CHIT1: variants seen among roughly 807,000 people sequenced by gnomAD.
CHIT1 encodes chitinase 1.
In CHIT1, 47 loss-of-function variants were observed where a neutral mutation model predicts 52.0. The ratio of observed to expected loss-of-function variants is 0.90; its 90% CI spans 0.71 to 1.15. The LOEUF (loss-of-function observed/expected upper bound fraction) is 1.15, where lower values mean the gene tolerates loss of function less well. Among genes scored for constraint, CHIT1 ranks in the 50% most tolerant of loss-of-function variants. The pLI, the probability that CHIT1 is intolerant of heterozygous loss-of-function variation, is 0.00. For synonymous variants in CHIT1, 242 were observed against 228.2 expected (o/e 1.06, Z -0.54); for missense variants, 569 against 583.0 (o/e 0.98, Z 0.25).
intron 7 of CHIT1, among the ~76,000 whole-genome samples, chr1:203,221,879 TG>T (rs1656748886): frequency 6.6e-6 from 1 of 151,312 alleles, no homozygotes; most frequent in African/African-American, 2.4e-5. Flanking sequence ...GGAAATGGGG[TG>T]GGGGTGTGTG....
chr1:203,222,593 A>G (rs932191273), intron 6 of CHIT1, among the ~76,000 whole-genome samples: 1 of 152,094 alleles, frequency 6.6e-6, no homozygotes, highest in African/African-American at 2.4e-5. Context: ...TATTCCACTC[A>G]AGAAAACTCC....
chr1:203,218,970 T>A lies in CHIT1; in HGVS notation c.1029+246A>T, dbSNP rs927733056. Among the ~76,000 whole-genome samples the A allele has an allele frequency of 1.3e-4, 20 of 152,376 alleles. No individual in the cohort carries two copies. In the South Asian group the frequency reaches 3.5e-3, roughly 27 times the overall value. Reference sequence around the variant, plus strand: ...CTCCTCTTCATATGTCTGTAGAATTTGTATGGTATTTAATAAAATAGAAAT... The same window carrying A: ...CTCCTCTTCATATGTCTGTAGAATTAGTATGGTATTTAATAAAATAGAAAT... On this transcript the variant is annotated intron_variant, in intron 9 of 10. Transcript: ENST00000367229.
intron 7 of CHIT1, among the ~76,000 whole-genome samples, chr1:203,221,256 A>G (rs1656719473): frequency 6.6e-6 from 1 of 152,232 alleles, no homozygotes; most frequent in African/African-American, 2.4e-5. Context: ...TGTTTTAAGA[A>G]AGAAAAATAA....
chr1:203,217,444 C>CTTAGGTAGGGAG, intron 10 of CHIT1: 1 of 1,401,810 alleles, frequency 7.1e-7, no homozygotes, highest in Non-Finnish European at 9.7e-7. Context: ...AGGCTTTCTC[C>CTTAGGTAGGGAG]CAGGTAAGAG....
intron 3 of CHIT1, among the ~76,000 whole-genome samples, chr1:203,225,426 A>C (rs1009251723): frequency 4.0e-5 from 6 of 150,620 alleles, no homozygotes; most frequent in Non-Finnish European, 8.9e-5. Flanking sequence ...CATGGGAGAC[A>C]GAAAGAGTCT....
chr1:203,222,744 A>T (rs1380041512), intron 6 of CHIT1, among the ~76,000 whole-genome samples: 1 of 152,224 alleles, frequency 6.6e-6, no homozygotes, highest in South Asian at 2.1e-4. Flanking sequence ...AATTCTAATG[A>T]GCACCTGGTT....
chr1:203,222,378 G>A (rs1656771170), intron 6 of CHIT1, 53 bp from the exon 7 acceptor site: 2 of 1,613,268 alleles, frequency 1.2e-6, no homozygotes, highest in Non-Finnish European at 1.7e-6. Flanking sequence ...GGGTGGGGTA[G>A]CCCTTCTTTC....
chr1:203,228,538 G>T lies in CHIT1; in HGVS notation c.50C>A (p.Pro17Gln). 1.3e-6 allele frequency: 2 copies of T among 1,590,130 alleles called. No individual in the cohort carries two copies. The highest frequency in any genetic ancestry group is 2.3e-5 in the East Asian group (1 of 43,790). The change falls in exon 2 of 11, where the codon CCA becomes CAA. Residue 17 changes from proline (P) to glutamine (Q), a missense_variant. Transcript: ENST00000367229. Reference sequence around the variant, plus strand: ...CCAAGAAAGAGGCTACTTACCCCATGGGATCATCAGCAGGACCATGAAACC... The same window carrying T: ...CCAAGAAAGAGGCTACTTACCCCATTGGATCATCAGCAGGACCATGAAACC... ...WAGFMVLLMI[P>Q]WGSAAKLVCY...
intron 3 of CHIT1, 98 bp from the exon 4 acceptor site, chr1:203,225,202 G>A (rs1432573633): frequency 2.4e-5 from 26 of 1,093,466 alleles, no homozygotes; most frequent in South Asian, 1.0e-4. Flanking sequence ...GGGTGGGGAC[G>A]TGTGAAAGTG....
chr1:203,228,699 C>T, intron 1 of CHIT1, 137 bp from the exon 2 acceptor site: 9 of 996,152 alleles, frequency 9.0e-6, no homozygotes, highest in Non-Finnish European at 1.4e-5. Context: ...TCAGAAGGGA[C>T]CCAGGAGGGC....
At position 203,218,599 on chromosome 1, in the gene CHIT1, A is replaced by C. The variant is rs1481170081; in HGVS notation, c.1029+617T>G. 3.3e-5 allele frequency among the ~76,000 whole-genome samples: 5 copies of C among 152,042 alleles called. No homozygotes were observed. In the East Asian group the frequency reaches 5.8e-4, roughly 18 times the overall value. On this transcript the variant is annotated intron_variant, in intron 9 of 10. Transcript: ENST00000367229. ...GTTGCCCGCTCCCTCACCCCTAAGA[A>C]TGGCCACCTTCTATGCTTTAGGACT...
At chr1:203,227,685 C>T (rs986488378) in intron 2 of CHIT1, among the ~76,000 whole-genome samples, 1 of 152,230 alleles carries the variant, frequency 6.6e-6, no homozygotes, top group African/African-American at 2.4e-5. Context: ...AGGTGCTTCA[C>T]ATATATTAAC....
intron 3 of CHIT1, 49 bp downstream of exon 3, chr1:203,225,620 C>G: frequency 1.3e-6 from 2 of 1,577,244 alleles, no homozygotes; most frequent in Non-Finnish European, 1.7e-6. Context: ...AGGAGGTTAT[C>G]TGTCACCCCA....
chr1:203,226,201 G>A (rs978338920), intron 2 of CHIT1, among the ~76,000 whole-genome samples: 2 of 152,232 alleles, frequency 1.3e-5, no homozygotes, highest in Admixed American at 1.3e-4. Flanking sequence ...GCAGAGCAGA[G>A]GTGCTGCGAC....
chr1:203,217,457 G>A (rs1656574540), intron 10 of CHIT1: 2 of 1,339,464 alleles, frequency 1.5e-6, no homozygotes, highest in South Asian at 1.3e-5. Flanking sequence ...GGTAAGAGAG[G>A]AACAAGGTGC....
intron 3 of CHIT1, among the ~76,000 whole-genome samples, 153 bp from the exon 4 acceptor site, chr1:203,225,257 A>G (rs1279854246): frequency 6.6e-6 from 1 of 151,984 alleles, no homozygotes; most frequent in African/African-American, 2.4e-5. Context: ...ACAGCTGTAG[A>G]TTGGAAAAGG....
At chr1:203,225,914 C>A (rs748459733) in intron 2 of CHIT1, 44 bp from the exon 3 acceptor site, 19 of 1,598,450 alleles carry the variant, frequency 1.2e-5, no homozygotes, top group Non-Finnish European at 1.5e-5. Context: ...TCAGCAGGAC[C>A]TTCTGGGGAC....
chr1:203,223,633 G>C lies in CHIT1; in HGVS notation c.342C>G (p.Asn114Lys). 1 of 1,614,248 alleles carries C rather than the reference G, an allele frequency of 6.2e-7. No homozygotes were observed. The highest frequency in any genetic ancestry group is 1.1e-5 in the South Asian group (1 of 91,084). ...QKFTDMVATA[N>K]NRQTFVNSAI... ...CCGAGTTGACAAAGGTCTGACGGTT[G>C]TTGGCCGTGGCTACCATATCTGTGA... is the stretch of plus-strand genomic sequence containing the variant. The change falls in exon 5 of 11, where the codon AAC (asparagine) becomes AAG (lysine). Residue 114 changes from asparagine (N) to lysine (K), a missense_variant. Transcript: ENST00000367229.
rs369555692 is a variant in CHIT1, at chr1:203,219,638, C to T, written c.915+26G>A. 6.2e-6 allele frequency: 10 copies of T among 1,613,286 alleles called. No individual in the cohort carries two copies. In the African/African-American group the frequency reaches 9.3e-5, roughly 15 times the overall value. ...CAGGCACCCCCTGACCCTCACAATACCCAGGGTGGTTATGGGTTTTCCTAC... is the reference window on the plus strand; with the variant it reads ...CAGGCACCCCCTGACCCTCACAATATCCAGGGTGGTTATGGGTTTTCCTAC... On this transcript the variant is annotated intron_variant, in intron 8 of 10. Transcript: ENST00000367229.
Sources: gnomAD v4.1 joint callset for allele counts (sites outside exome capture counted in the v4.1 genomes callset) on GRCh38, gnomAD v4.1.1 for gene constraint, MANE v1.5 for transcripts, NCBI Gene and HGNC (gene_info 2026-07-23, HGNC 2026-07-21) for gene names.